ALMS1: variants seen among roughly 807,000 people sequenced by gnomAD.
ALMS1 encodes the protein ALMS1 centrosome and basal body associated protein.
ALMS1 carries 271 observed loss-of-function variants against 352.2 expected under a neutral mutation model. That is an observed-to-expected ratio of 0.77 (90% CI 0.70 to 0.85). The LOEUF is 0.85. Ranked by LOEUF, ALMS1 falls within the 40% of genes least tolerant of loss-of-function variation. The pLI, the probability that ALMS1 is intolerant of heterozygous loss-of-function variation, is 0.00. For missense variants in ALMS1, 5,445 were observed against 4,870.7 expected, an observed-to-expected ratio of 1.12 and a Z score of -3.51; for synonymous variants, 1,865 against 1,761.2, an observed-to-expected ratio of 1.06 and a Z score of -1.48.
chr2:73,397,923 G>A (rs980617314), intron 1 of ALMS1, among the ~76,000 whole-genome samples: 2 of 152,142 alleles, frequency 1.3e-5, no homozygotes, highest in African/African-American at 4.8e-5. Flanking sequence ...CCAGTCTATA[G>A]CTTGTCTTTT....
intron 7 of ALMS1, among the ~76,000 whole-genome samples, chr2:73,439,604 G>A (rs993869432): frequency 6.6e-6 from 1 of 151,490 alleles, no homozygotes; most frequent in African/African-American, 2.4e-5. Flanking sequence ...ACGGTGGTGT[G>A]ATCTCGGCTC....
At chr2:73,398,556 A>G (rs1028361754) in intron 1 of ALMS1, among the ~76,000 whole-genome samples, 2 of 152,186 alleles carry the variant, frequency 1.3e-5, no homozygotes, top group Non-Finnish European at 2.9e-5. Flanking sequence ...TCTTGACAAT[A>G]TTGAGTATTT....
At chr2:73,543,112 A>G (rs887703451) in intron 12 of ALMS1, among the ~76,000 whole-genome samples, 1 of 152,200 alleles carries the variant, frequency 6.6e-6, no homozygotes. Context: ...CTGACTTCAA[A>G]CTATACTACA....
chr2:73,599,334 C>T, intron 16 of ALMS1, 67 bp from the exon 17 acceptor site: 1 of 1,593,570 alleles, frequency 6.3e-7, no homozygotes, highest in Non-Finnish European at 8.5e-7. Flanking sequence ...TGTTGGCTTG[C>T]TTATCCTGTG....
intron 9 of ALMS1, among the ~76,000 whole-genome samples, chr2:73,460,613 C>A (rs1311245618): frequency 6.6e-6 from 1 of 152,194 alleles, no homozygotes; most frequent in Non-Finnish European, 1.5e-5. Context: ...GTGCAGCGCA[C>A]CATTCACAAG....
intron 10 of ALMS1, among the ~76,000 whole-genome samples, chr2:73,492,852 C>T (rs564103330): frequency 6.6e-6 from 1 of 152,208 alleles, no homozygotes; most frequent in South Asian, 2.1e-4. Flanking sequence ...CCCGTCCCGC[C>T]TCAGCCACCT....
At chr2:73,391,759 T>C (rs145715016) in intron 1 of ALMS1, among the ~76,000 whole-genome samples, 623 of 152,340 alleles carry the variant, frequency 4.1e-3, no homozygotes, top group Non-Finnish European at 6.1e-3. Context: ...TGGCCAGTAT[T>C]TATCAAACTT....
intron 10 of ALMS1, among the ~76,000 whole-genome samples, chr2:73,498,161 G>A (rs1375596341): frequency 1.3e-5 from 2 of 151,984 alleles, no homozygotes; most frequent in Non-Finnish European, 2.9e-5. Context: ...TGAACCTTCA[G>A]TGAGTTACTT....
intron 10 of ALMS1, among the ~76,000 whole-genome samples, chr2:73,509,702 C>T (rs755787300): frequency 6.6e-6 from 1 of 152,146 alleles, no homozygotes; most frequent in African/African-American, 2.4e-5. Flanking sequence ...TTTTTTCCTT[C>T]ATTTCAACCT....
Position 73,508,699 on chromosome 2 carries a change from T to C in ALMS1, c.9540-11076T>C, listed in dbSNP as rs555018099. 2.6e-5 allele frequency among the ~76,000 whole-genome samples: 4 copies of C among 152,290 alleles called. No homozygotes were observed. In the East Asian group the frequency reaches 7.7e-4, roughly 29 times the overall value. ...TTTGGGGTGTAGAGTTCTGTAGATG[T>C]CTATTAGGTCTGCTTGGTCCAGACC... On this transcript the variant is annotated intron_variant, in intron 10 of 22. Coordinates refer to ENST00000613296, the MANE Select transcript of ALMS1 (RefSeq NM_001378454.1).
At chr2:73,600,466 T>G (rs1675651701) in intron 17 of ALMS1, among the ~76,000 whole-genome samples, 1 of 152,204 alleles carries the variant, frequency 6.6e-6, no homozygotes, top group African/African-American at 2.4e-5. Flanking sequence ...TAAAATGAGT[T>G]ACAAATAAAA....
intron 16 of ALMS1, among the ~76,000 whole-genome samples, chr2:73,595,563 G>C (rs761573335): frequency 1.3e-5 from 2 of 152,162 alleles, no homozygotes; most frequent in Admixed American, 1.3e-4. Context: ...TGGATTGTTT[G>C]ATTTTTTTGG....
At chr2:73,445,232 ATTTC>A (rs1260648633) in intron 7 of ALMS1, among the ~76,000 whole-genome samples, 5 of 152,236 alleles carry the variant, frequency 3.3e-5, no homozygotes, top group South Asian at 2.1e-4. Context: ...AGCATTCATT[ATTTC>A]TTTATGTTGT....
At chr2:73,495,087 A>T (rs1035308551) in intron 10 of ALMS1, among the ~76,000 whole-genome samples, 1 of 151,920 alleles carries the variant, frequency 6.6e-6, no homozygotes, top group African/African-American at 2.4e-5. Flanking sequence ...CATTATTTGG[A>T]TTATAATCCA....
At position 73,601,310 on chromosome 2, in the gene ALMS1, C is replaced by G; in HGVS notation, c.11988C>G (p.Pro3996=). 1 of 1,614,216 alleles carries G rather than the reference C, an allele frequency of 6.2e-7. No individual in the cohort carries two copies. The highest frequency in any genetic ancestry group is 8.5e-7 in the Non-Finnish European group (1 of 1,180,026). Reference sequence around the variant, plus strand: ...TTGAACCAATAACCAAGACCAGACCCTGGAGGGAGCCACTGCGGGAGCAGA... The same window carrying G: ...TTGAACCAATAACCAAGACCAGACCGTGGAGGGAGCCACTGCGGGAGCAGA... ...SWFEPITKTR[P]WREPLREQNC... Residue 3996 remains proline, a synonymous_variant, in exon 19 of 23, where the codon CCC becomes CCG. Coordinates refer to ENST00000613296, the MANE Select transcript of ALMS1 (RefSeq NM_001378454.1).
intron 12 of ALMS1, among the ~76,000 whole-genome samples, chr2:73,549,519 A>G (rs914338124): frequency 6.6e-6 from 1 of 152,218 alleles, no homozygotes. Flanking sequence ...GTATTCTGCA[A>G]TCCAACCTGA....
chr2:73,454,574 T>A (rs6732662), intron 8 of ALMS1, among the ~76,000 whole-genome samples: 5,234 of 147,716 alleles, frequency 0.035, 310 homozygotes, highest in African/African-American at 0.12. Context: ...GAAAAAAAAA[T>A]CAATGTATTT....
rs1572994947 is a variant in ALMS1 at position 73,524,864 on chromosome 2, A to G, written c.9781+4848A>G. Among the ~76,000 whole-genome samples, 4 of 152,286 alleles carry G rather than the reference A, an allele frequency of 2.6e-5. No individual in the cohort carries two copies. The South Asian group carries it at 8.3e-4, about 32-fold the overall frequency. On this transcript the variant is annotated intron_variant, in intron 11 of 22. Transcript: ENST00000613296. Reference sequence around the variant, plus strand: ...GACTATATTTTTATACCCATTAACAATCCTCACTTCCCCCACACTGCTCAC... The same window carrying G: ...GACTATATTTTTATACCCATTAACAGTCCTCACTTCCCCCACACTGCTCAC...
chr2:73,403,018 G>A (rs1333577311), intron 1 of ALMS1, among the ~76,000 whole-genome samples: 8 of 152,140 alleles, frequency 5.3e-5, no homozygotes, highest in Admixed American at 4.6e-4. Flanking sequence ...TTACTTAGAT[G>A]TGAAACTCTT....
Sources: gnomAD v4.1 joint callset for allele counts (sites outside exome capture counted in the v4.1 genomes callset) on GRCh38, gnomAD v4.1.1 for gene constraint, MANE v1.5 for transcripts, NCBI Gene and HGNC (gene_info 2026-07-23, HGNC 2026-07-21) for gene names.